Variants in CAMKK1 observed in about 807,000 individuals in gnomAD.
The protein encoded by CAMKK1 is calcium/calmodulin-dependent protein kinase kinase 1.
Under a neutral mutation model 63.5 loss-of-function variants are expected in CAMKK1, and 20 were observed. The ratio of observed to expected loss-of-function variants is 0.32; its 90% CI spans 0.22 to 0.46. The LOEUF is 0.46. Ranked by LOEUF, CAMKK1 falls within the 20% of genes least tolerant of loss-of-function variation. The probability of loss-of-function intolerance (pLI) is 1.00; values close to 1 mark genes in which losing one functional copy is unlikely to be tolerated. For missense variants in CAMKK1, 588 were observed against 658.1 expected, an observed-to-expected ratio of 0.89 and a Z score of 1.17; for synonymous variants, 253 against 269.0, an observed-to-expected ratio of 0.94 and a Z score of 0.58.
chr17:3,881,302 G>C (rs900973910), intron 8 of CAMKK1, among the ~76,000 whole-genome samples: 3 of 152,158 alleles, frequency 2.0e-5, no homozygotes, highest in Non-Finnish European at 4.4e-5. Flanking sequence ...TTGAATACCG[G>C]TAAGAGTTGA....
rs2055455159 is a variant in CAMKK1 at position 3,882,512 on chromosome 17, G to A, written c.685+16C>T. 1.9e-6 allele frequency: 3 copies of A among 1,596,490 alleles called. No homozygotes were observed. Among genetic ancestry groups the A allele is most frequent in the South Asian group, 1.1e-5 (1 of 88,944 alleles). ...GCCCTGAGTGAGCTGCTGTGGGAAT[G>A]AGCCAGGTCACTCACCCAAATAGAG... On this transcript the variant is annotated intron_variant, in intron 7 of 15. Coordinates refer to ENST00000348335, the MANE Select transcript of CAMKK1 (RefSeq NM_032294.3). This position sits in a 1 kb window ranked among gnomAD's most constrained non-coding sequence, Gnocchi z 4.3.
Position 3,869,473 on chromosome 17 carries a change from C to G in CAMKK1, c.1341+14G>C, listed in dbSNP as rs1399976366. ...CCCTCCAGGACAAGGGAGCATCTAC[C>G]CCGGCTCTCTTACCACCGTGGTCCA... On this transcript the variant is annotated intron_variant, in intron 14 of 15. Transcript: ENST00000348335. The G allele has an allele frequency of 6.2e-7, 1 of 1,614,020 alleles. No homozygotes were observed. The highest frequency in any genetic ancestry group is 8.5e-7 in the Non-Finnish European group (1 of 1,179,946).
In CAMKK1 at chr17:3,861,499, G is replaced by C. The variant is rs1379658937; in HGVS notation, c.*712C>G. On this transcript the variant is annotated 3_prime_UTR_variant, in exon 16 of 16. Transcript: ENST00000348335. Reference sequence around the variant, plus strand: ...CAGATAACGCCGAATGCGAAACACAGTCCAGGAAAGTTAGTTCCATCCACT... The same window carrying C: ...CAGATAACGCCGAATGCGAAACACACTCCAGGAAAGTTAGTTCCATCCACT... 2 of 152,612 alleles carry C rather than the reference G, an allele frequency of 1.3e-5. No homozygotes were observed. The highest frequency in any genetic ancestry group is 2.9e-5 in the Non-Finnish European group (2 of 68,342). The allele number at this position is 152,612 out of a possible 1,614,324, so 9.5% of individuals were successfully genotyped here.
chr17:3,867,322 G>A (rs2054570220), intron 14 of CAMKK1, among the ~76,000 whole-genome samples: 1 of 152,184 alleles, frequency 6.6e-6, no homozygotes, highest in African/African-American at 2.4e-5. Flanking sequence ...ATGGCACGTG[G>A]CCAGAGACGA....
intron 14 of CAMKK1, 41 bp from the exon 15 acceptor site, chr17:3,866,052 C>A (rs1188662317): frequency 6.2e-7 from 1 of 1,604,612 alleles, no homozygotes. Context: ...AGGTCCCAGG[C>A]TCCCAGACAC....
intron 1 of CAMKK1, among the ~76,000 whole-genome samples, chr17:3,888,835 C>T (rs943408781): frequency 1.4e-4 from 21 of 152,104 alleles, no homozygotes; most frequent in Non-Finnish European, 2.4e-4. Flanking sequence ...CAGGGCCTGG[C>T]GCCCCGGCCG....
chr17:3,883,169 G>A lies in CAMKK1; in HGVS notation c.521C>T (p.Pro174Leu). 6.2e-7 allele frequency: 1 copy of A among 1,610,102 alleles called. No homozygotes were observed. Among genetic ancestry groups the A allele is most frequent in the African/African-American group, 1.3e-5 (1 of 75,016 alleles). The change falls in exon 6 of 16, where the codon CCT becomes CTT. Residue 174 changes from proline (P) to leucine (L), a missense_variant. Pro to Leu is a moderately conservative substitution (Grantham distance 98). Around this residue, in one of 3 missense-constraint regions of CAMKK1, gnomAD observed 357 missense variants for 407.4 expected, o/e 0.88. Transcript: ENST00000348335. The surrounding 1 kb of genome is among the most constrained non-coding windows in gnomAD (Gnocchi z 4.7). ...LLKQYGFPRRPPPRGSQAAQG... is the reference protein window; with the variant it reads ...LLKQYGFPRRLPPRGSQAAQG... ...GGCAGCCTGGGACCCTCTCGGGGGAGGGCGACCTGTGACCAGGAAGAGAAC... is the reference window on the plus strand; with the variant it reads ...GGCAGCCTGGGACCCTCTCGGGGGAAGGCGACCTGTGACCAGGAAGAGAAC...
rs1024654489 is a variant in CAMKK1 at position 3,889,808 on chromosome 17, C to G, written c.-44+3131G>C. The stretch of plus-strand genomic sequence containing the variant: ...GTGGGCCCCCGGCTCCAGACGCCCA[C>G]TTGGCCTGGCTTCTTCCACAGGACA... On this transcript the variant is annotated intron_variant, in intron 1 of 15. Coordinates refer to ENST00000348335, the MANE Select transcript of CAMKK1 (RefSeq NM_032294.3). This position sits in a 1 kb window ranked among gnomAD's most constrained non-coding sequence, Gnocchi z 5.2. Among the ~76,000 whole-genome samples, 2 of 152,214 alleles carry G rather than the reference C, an allele frequency of 1.3e-5. No homozygotes were observed. The highest frequency in any genetic ancestry group is 2.9e-5 in the Non-Finnish European group (2 of 68,026).
chr17:3,881,207 G>T (rs1173401208), intron 8 of CAMKK1, among the ~76,000 whole-genome samples: 1 of 152,222 alleles, frequency 6.6e-6, no homozygotes, highest in Non-Finnish European at 1.5e-5. Flanking sequence ...CTGGTCCTTA[G>T]CTTTCCCTCT....
At position 3,892,683 on chromosome 17, in the gene CAMKK1, G is replaced by C. The variant is rs1211887830; in HGVS notation, c.-44+256C>G. ...GATGCGGTCCGCAGACAGAAGCGGGGAAGAACGCAGACGGCGGGGCACCCG... is the reference window on the plus strand; with the variant it reads ...GATGCGGTCCGCAGACAGAAGCGGGCAAGAACGCAGACGGCGGGGCACCCG... On this transcript the variant is annotated intron_variant, in intron 1 of 15. Coordinates refer to ENST00000348335, the MANE Select transcript of CAMKK1 (RefSeq NM_032294.3). This position sits in a 1 kb window ranked among gnomAD's most constrained non-coding sequence, Gnocchi z 7.5. 6.6e-6 allele frequency among the ~76,000 whole-genome samples: 1 copy of C among 152,194 alleles called. No individual in the cohort carries two copies. The highest frequency in any genetic ancestry group is 1.5e-5 in the Non-Finnish European group (1 of 68,022).
At chr17:3,876,681 C>T (rs1410190162) in intron 9 of CAMKK1, among the ~76,000 whole-genome samples, 1 of 151,190 alleles carries the variant, frequency 6.6e-6, no homozygotes, top group African/African-American at 2.4e-5. Context: ...CTCTCCATGA[C>T]AAACAAGGGA....
intron 14 of CAMKK1, among the ~76,000 whole-genome samples, chr17:3,867,040 A>G (rs1433962172): frequency 6.6e-6 from 1 of 152,212 alleles, no homozygotes; most frequent in Non-Finnish European, 1.5e-5. Flanking sequence ...CTTATATTCT[A>G]GTTGGGGGAG....
rs2143909653 is a variant in CAMKK1 at position 3,889,958 on chromosome 17, TG to T, written c.-44+2980del. ...CCTGGTCAGGCCTCATTCTGAGCGC[TG>T]GAAGGCCGCTGTGAACCCCAGTGCC... On this transcript the variant is annotated intron_variant, in intron 1 of 15. Coordinates refer to ENST00000348335, the MANE Select transcript of CAMKK1 (RefSeq NM_032294.3). The surrounding 1 kb of genome is among the most constrained non-coding windows in gnomAD (Gnocchi z 5.2). Among the ~76,000 whole-genome samples the T allele has an allele frequency of 6.6e-6, 1 of 152,298 alleles. No individual in the cohort carries two copies. The highest frequency in any genetic ancestry group is 1.9e-4 in the East Asian group (1 of 5,182).
chr17:3,880,537 A>G, intron 8 of CAMKK1, 103 bp from the exon 9 acceptor site: 1 of 770,738 alleles, frequency 1.3e-6, no homozygotes, highest in Non-Finnish European at 2.3e-6. Context: ...ATGAGTCCCT[A>G]CAACTCAAGA....
chr17:3,876,298 C>G lies in CAMKK1; in HGVS notation c.921G>C (p.Leu307=). The G allele has an allele frequency of 6.2e-7, 1 of 1,614,250 alleles. No individual in the cohort carries two copies. The highest frequency in any genetic ancestry group is 8.5e-7 in the Non-Finnish European group (1 of 1,180,060). Reference sequence around the variant, plus strand: ...ATGCTGGGGTTCCCGCCGTGCTGGACAGCTGAGCGTCGTTCCCCTCAAACT... The same window carrying G: ...ATGCTGGGGTTCCCGCCGTGCTGGAGAGCTGAGCGTCGTTCCCCTCAAACT... ...SNQFEGNDAQ[L]SSTAGTPAFM... is the part of the protein sequence containing the mutation. The change falls in exon 10 of 16, where the codon CTG becomes CTC. Residue 307 remains leucine (L), a synonymous_variant. Coordinates refer to ENST00000348335, the MANE Select transcript of CAMKK1 (RefSeq NM_032294.3).
At chr17:3,872,116 C>T (rs1035719222) in intron 12 of CAMKK1, among the ~76,000 whole-genome samples, 8 of 152,210 alleles carry the variant, frequency 5.3e-5, no homozygotes, top group African/African-American at 1.9e-4. Context: ...GGAAGAGTGG[C>T]TTGAGTCCCA....
chr17:3,872,728 G>C, intron 11 of CAMKK1, 101 bp from the exon 12 acceptor site: 1 of 906,584 alleles, frequency 1.1e-6, no homozygotes, highest in Non-Finnish European at 1.8e-6. Context: ...TAGGGGGCAG[G>C]TCTGGGCTCC....
At position 3,876,230 on chromosome 17, in the gene CAMKK1, C is replaced by G. The variant is rs1597466454; in HGVS notation, c.989G>C (p.Ser330Thr). The stretch of plus-strand genomic sequence containing the variant: ...CCAGGGCCTGCGAGTCACCTTCCCA[C>G]TGAAGCTCTGGCCGGAATCAGAAAT... ...EAISDSGQSF[S>T]GKALDVWATG... Residue 330 changes from serine to threonine, a missense_variant, in exon 10 of 16, where the codon AGT (serine) becomes ACT (threonine). By Grantham distance (58) the Ser-to-Thr change is moderately conservative. Coordinates refer to ENST00000348335, the MANE Select transcript of CAMKK1 (RefSeq NM_032294.3). 1.2e-6 allele frequency: 2 copies of G among 1,614,070 alleles called. No individual in the cohort carries two copies. Among genetic ancestry groups the G allele is most frequent in the East Asian group, 4.5e-5 (2 of 44,888 alleles).
chr17:3,867,515 G>A (rs1031549662), intron 14 of CAMKK1, among the ~76,000 whole-genome samples: 2 of 152,194 alleles, frequency 1.3e-5, no homozygotes, highest in Non-Finnish European at 2.9e-5. Flanking sequence ...TGACCAGGGG[G>A]ACAGGGAGTG....
Sources: allele counts gnomAD v4.1 joint callset (sites outside exome capture counted in the v4.1 genomes callset), GRCh38; gene constraint gnomAD v4.1.1; regional missense constraint gnomAD v4.1.1; non-coding constraint Gnocchi (gnomAD v3.1); transcripts MANE v1.5; gene names NCBI Gene and HGNC (gene_info 2026-07-23, HGNC 2026-07-21).